The following AZIN2 variants were observed in gnomAD, a reference collection of about 807,000 sequenced individuals.
AZIN2 encodes the protein antizyme inhibitor 2, also known as ODC antizyme inhibitor-2.
A neutral mutation model predicts 47.8 loss-of-function variants in AZIN2; 28 were observed. The ratio of observed to expected loss-of-function variants is 0.59; its 90% CI spans 0.43 to 0.80. AZIN2 has a LOEUF of 0.80. Ranked by LOEUF, AZIN2 falls within the 30% of genes least tolerant of loss-of-function variation. The pLI is 0.00. For synonymous variants in AZIN2, 221 were observed against 239.4 expected (o/e 0.92, Z 0.71); for missense variants, 535 against 582.5 (o/e 0.92, Z 0.84).
chr1:33,158,204 G>A, the AZIN2 span: 73 of 1,555,512 alleles, frequency 4.7e-5, no homozygotes, highest in Middle Eastern at 3.4e-4. Flanking sequence ...GCTGGGCTGT[G>A]CTGGGACATG....
chr1:33,099,468 G>A (rs1015482827), intron 10 of AZIN2, among the ~76,000 whole-genome samples: 9 of 152,224 alleles, frequency 5.9e-5, no homozygotes, highest in Non-Finnish European at 1.2e-4. Flanking sequence ...ACTGCACTGA[G>A]AAGGGACCAG....
At chr1:33,099,418 G>A (rs996177386) in intron 10 of AZIN2, among the ~76,000 whole-genome samples, 4 of 152,270 alleles carry the variant, frequency 2.6e-5, no homozygotes, top group East Asian at 1.9e-4. Flanking sequence ...CTACTCTGAC[G>A]CACTAGCATT....
At chr1:33,159,170 AATG>A in the AZIN2 span, among the ~76,000 whole-genome samples, 1 of 152,014 alleles carries the variant, frequency 6.6e-6, no homozygotes, top group Non-Finnish European at 1.5e-5. The surrounding 1 kb of genome is among the most constrained non-coding windows in gnomAD (Gnocchi z 4.2). Context: ...ACATGCATGA[AATG>A]ATGATGACAG....
intron 10 of AZIN2, among the ~76,000 whole-genome samples, chr1:33,101,309 G>T (rs1275481229): frequency 6.6e-6 from 1 of 152,194 alleles, no homozygotes; most frequent in Non-Finnish European, 1.5e-5. Context: ...AAAGTGCTGG[G>T]ATTACAGGCA....
Position 33,122,786 on chromosome 1 carries a change from G to T in AZIN2, c.*2604G>T, listed in dbSNP as rs991366687. On this transcript the variant is annotated 3_prime_UTR_variant, in exon 12 of 12. Coordinates refer to ENST00000294517, the MANE Select transcript of AZIN2 (RefSeq NM_052998.4). ...TCCCTACAACCCACCTGTGCCTCCT[G>T]AAGCCCCTCCTGCGCGCACACTCAC... Among the ~76,000 whole-genome samples, 1 of 152,114 alleles carries T rather than the reference G, an allele frequency of 6.6e-6. No homozygotes were observed. The highest frequency in any genetic ancestry group is 2.4e-5 in the African/African-American group (1 of 41,422).
chr1:33,157,912 A>G, the AZIN2 span, among the ~76,000 whole-genome samples: 1 of 152,246 alleles, frequency 6.6e-6, no homozygotes, highest in South Asian at 2.1e-4. Context: ...GCACGCCACC[A>G]TGCCCAGCTA....
the AZIN2 span, among the ~76,000 whole-genome samples, chr1:33,134,324 T>G: frequency 6.6e-6 from 1 of 152,254 alleles, no homozygotes; most frequent in Non-Finnish European, 1.5e-5. Context: ...TGGTGAAGTG[T>G]CTGGCCTAAG....
chr1:33,083,657 A>G lies in AZIN2; in HGVS notation c.106-297A>G, dbSNP rs150991845. On this transcript the variant is annotated intron_variant, in intron 4 of 11. Coordinates refer to ENST00000294517, the MANE Select transcript of AZIN2 (RefSeq NM_052998.4). ...GATTTTGCCAGACACAGGAGTGGGG[A>G]GGGTATTCTGCAGGACATGGTGGGA... 402 of 447,798 alleles carry G rather than the reference A, an allele frequency of 9.0e-4. 1 individual carries two copies. Among genetic ancestry groups the G allele is most frequent in the African/African-American group, 6.7e-3 (339 of 50,378 alleles). 27.7% of individuals were successfully genotyped at this position (447,798 alleles called of 1,614,324 possible).
chr1:33,119,969 TG>T, intron 11 of AZIN2, 74 bp from the exon 12 acceptor site: 1 of 1,595,288 alleles, frequency 6.3e-7, no homozygotes. Flanking sequence ...CTCTGCCCAA[TG>T]GGGCTGCGTC....
chr1:33,126,725 G>A (rs142699790), downstream of AZIN2, among the ~76,000 whole-genome samples: 206 of 152,254 alleles, frequency 1.4e-3, no homozygotes, highest in Non-Finnish European at 2.3e-3. Flanking sequence ...CCCCAATAGC[G>A]CTTTCTGTTT....
chr1:33,100,719 C>A (rs1643615624), intron 10 of AZIN2, among the ~76,000 whole-genome samples: 1 of 152,152 alleles, frequency 6.6e-6, no homozygotes, highest in Non-Finnish European at 1.5e-5. Context: ...ATTCCATTAT[C>A]AAATTAAAAA....
chr1:33,094,471 A>G, intron 7 of AZIN2, 77 bp from the exon 8 acceptor site: 3 of 1,470,370 alleles, frequency 2.0e-6, no homozygotes, highest in Non-Finnish European at 2.8e-6. Context: ...TGCCTGCCCA[A>G]TGTCATTCTT....
chr1:33,101,842 C>G (rs751099706), intron 10 of AZIN2: 2 of 779,390 alleles, frequency 2.6e-6, no homozygotes, highest in Non-Finnish European at 4.8e-6. Context: ...GTCTAAGAAC[C>G]ACTCACCCTG....
At chr1:33,115,329 C>T (rs1228789184) in intron 10 of AZIN2, among the ~76,000 whole-genome samples, 1 of 152,186 alleles carries the variant, frequency 6.6e-6, no homozygotes, top group South Asian at 2.1e-4. Flanking sequence ...TTGTCCATTT[C>T]CACTCAGACT....
chr1:33,099,093 C>T (rs369050616), intron 10 of AZIN2, among the ~76,000 whole-genome samples: 4 of 152,080 alleles, frequency 2.6e-5, no homozygotes, highest in South Asian at 4.2e-4. Context: ...TTTGTGCAGC[C>T]CCTCTTCCTG....
chr1:33,102,759 C>T (rs931040918), intron 10 of AZIN2, among the ~76,000 whole-genome samples: 1 of 152,160 alleles, frequency 6.6e-6, no homozygotes, highest in Admixed American at 6.5e-5. Context: ...CTATCTCTAT[C>T]CTGGATCACA....
the AZIN2 span, among the ~76,000 whole-genome samples, chr1:33,129,209 T>G: frequency 3.9e-5 from 6 of 152,294 alleles, no homozygotes; most frequent in Non-Finnish European, 7.3e-5. This position sits in a 1 kb window ranked among gnomAD's most constrained non-coding sequence, Gnocchi z 4.1. Flanking sequence ...AAGACACTTC[T>G]TATCAACTAA....
chr1:33,120,148 T>TG lies in AZIN2; in HGVS notation c.1352dup (p.Val453CysfsTer60), dbSNP rs777801725. Reference sequence around the variant, plus strand: ...TGGGAGATCACAGACACCCTGTGCGTGGGCCCTGTCTTCACCCCAGCGAGC... The same window carrying TG: ...TGGGAGATCACAGACACCCTGTGCGTGGGGCCCTGTCTTCACCCCAGCGAGC... On this transcript the variant is annotated frameshift_variant, in exon 12 of 12. Coordinates refer to ENST00000294517, the MANE Select transcript of AZIN2 (RefSeq NM_052998.4). LOFTEE classifies it high-confidence loss of function. The TG allele has an allele frequency of 1.2e-5, 19 of 1,613,454 alleles. No homozygotes were observed. The Admixed American group carries it at 3.0e-4, about 25-fold the overall frequency.
intron 10 of AZIN2, among the ~76,000 whole-genome samples, chr1:33,108,219 C>A (rs959526500): frequency 4.6e-5 from 7 of 151,920 alleles, no homozygotes; most frequent in African/African-American, 1.7e-4. Context: ...CAAGGACACA[C>A]AATGGGAAAG....
Sources: allele counts gnomAD v4.1 joint callset (sites outside exome capture counted in the v4.1 genomes callset), GRCh38; gene constraint gnomAD v4.1.1; non-coding constraint Gnocchi (gnomAD v3.1); transcripts MANE v1.5; gene names NCBI Gene and HGNC (gene_info 2026-07-23, HGNC 2026-07-21).